The following ADAMTS9 variants were observed in gnomAD, a reference collection of about 807,000 sequenced individuals.
ADAMTS9 encodes ADAM metallopeptidase with thrombospondin type 1 motif 9, also known as A disintegrin and metalloproteinase with thrombospondin motifs 9.
A neutral mutation model predicts 257.1 loss-of-function variants in ADAMTS9; 107 were observed. The ratio of observed to expected loss-of-function variants is 0.42; its 90% CI spans 0.36 to 0.49. The LOEUF is 0.49. ADAMTS9 is among the 20% of genes least tolerant of loss of function. The pLI, the probability that ADAMTS9 is intolerant of heterozygous loss-of-function variation, is 0.03. For missense variants in ADAMTS9, 2,353 were observed against 2,469.1 expected, an observed-to-expected ratio of 0.95 and a Z score of 1.00; for synonymous variants, 982 against 880.9, an observed-to-expected ratio of 1.11 and a Z score of -2.03.
intron 33 of ADAMTS9, 85 bp from the exon 34 acceptor site, chr3:64,541,705 C>A: frequency 6.4e-7 from 1 of 1,556,866 alleles, no homozygotes; most frequent in African/African-American, 1.4e-5. Context: ...ATTGTTCGCA[C>A]TAAAACTTTT....
chr3:64,648,071 G>C, intron 10 of ADAMTS9, 27 bp from the exon 11 acceptor site: 1 of 1,580,572 alleles, frequency 6.3e-7, no homozygotes, highest in Non-Finnish European at 8.6e-7. Context: ...AATGGCAATT[G>C]AGTGACAAGT....
intron 38 of ADAMTS9, among the ~76,000 whole-genome samples, chr3:64,523,215 T>C (rs1035017911): frequency 1.3e-5 from 2 of 152,330 alleles, no homozygotes; most frequent in African/African-American, 2.4e-5. Flanking sequence ...GCTAATAGCA[T>C]TGGGAACCAC....
At chr3:64,571,312 G>C (rs1354315474) in intron 28 of ADAMTS9, among the ~76,000 whole-genome samples, 1 of 152,136 alleles carries the variant, frequency 6.6e-6, no homozygotes, top group Non-Finnish European at 1.5e-5. Context: ...GGAGACAATT[G>C]GTGTTTTCAG....
intron 12 of ADAMTS9, among the ~76,000 whole-genome samples, chr3:64,637,156 C>T (rs895218776): frequency 5.9e-5 from 9 of 152,124 alleles, no homozygotes; most frequent in African/African-American, 2.2e-4. Context: ...ACATATGTTT[C>T]CTCTCTCCCA....
intron 28 of ADAMTS9, among the ~76,000 whole-genome samples, chr3:64,570,637 A>T (rs890179142): frequency 7.3e-6 from 1 of 136,312 alleles, no homozygotes; most frequent in South Asian, 2.4e-4. Context: ...CAGAGCTTGC[A>T]GTGAGCCAAG....
intron 32 of ADAMTS9, 85 bp from the exon 33 acceptor site, chr3:64,542,055 G>T: frequency 6.4e-7 from 1 of 1,561,166 alleles, no homozygotes; most frequent in Non-Finnish European, 8.7e-7. Context: ...GAGCCCTGAT[G>T]TCATCATGTA....
At chr3:64,613,595 G>C in intron 21 of ADAMTS9, 86 bp from the exon 22 acceptor site, 5 of 1,344,878 alleles carry the variant, frequency 3.7e-6, no homozygotes, top group Non-Finnish European at 5.0e-6. Flanking sequence ...GTAGGAACAG[G>C]TGTGTCCTTT....
chr3:64,563,612 A>G (rs1292865512), intron 29 of ADAMTS9, among the ~76,000 whole-genome samples: 1 of 152,232 alleles, frequency 6.6e-6, no homozygotes, highest in African/African-American at 2.4e-5. Flanking sequence ...CACGGTACTA[A>G]GAGCCATAAG....
At chr3:64,666,995 A>G (rs551816215) in intron 3 of ADAMTS9, among the ~76,000 whole-genome samples, 1 of 152,290 alleles carries the variant, frequency 6.6e-6, no homozygotes, top group East Asian at 1.9e-4. Flanking sequence ...AAAATCAACC[A>G]AACAAATAAT....
chr3:64,569,488 G>A (rs1366486582), intron 28 of ADAMTS9, among the ~76,000 whole-genome samples: 1 of 152,154 alleles, frequency 6.6e-6, no homozygotes, highest in East Asian at 1.9e-4. Context: ...GATTTCAAGT[G>A]TCATTTCCTT....
At chr3:64,582,965 T>C (rs2106751357) in intron 28 of ADAMTS9, 1 of 152,360 alleles carries the variant, frequency 6.6e-6, no homozygotes, top group South Asian at 2.1e-4. Context: ...TATTCATATA[T>C]TCATATTCTA....
rs896238157 is a variant in ADAMTS9, at chr3:64,681,014, G to A, written c.679+187C>T. ...TTCTTAGCTGTGCACCTTAGACAAG[G>A]TACTAAACCTCTCCTTAGTCTCCAC... is the stretch of plus-strand genomic sequence containing the variant. On this transcript the variant is annotated intron_variant, in intron 3 of 39. Transcript: ENST00000498707. 9.9e-5 allele frequency among the ~76,000 whole-genome samples: 15 copies of A among 152,102 alleles called. No homozygotes were observed. In the East Asian group the frequency reaches 2.9e-3, roughly 29 times the overall value.
At chr3:64,665,856 T>C (rs1025063343) in intron 3 of ADAMTS9, among the ~76,000 whole-genome samples, 1 of 152,206 alleles carries the variant, frequency 6.6e-6, no homozygotes, top group Admixed American at 6.5e-5. Flanking sequence ...TAAATGGGCA[T>C]ATAAATACTT....
chr3:64,557,814 G>C (rs1452182495), intron 30 of ADAMTS9, among the ~76,000 whole-genome samples: 4 of 152,188 alleles, frequency 2.6e-5, no homozygotes, highest in Admixed American at 2.6e-4. Context: ...CCTACAACAT[G>C]TTGTTTCTAG....
chr3:64,575,370 G>A (rs541342051), intron 28 of ADAMTS9, among the ~76,000 whole-genome samples: 10 of 152,288 alleles, frequency 6.6e-5, no homozygotes, highest in African/African-American at 1.9e-4. Context: ...AGAATCTTCT[G>A]TCCCTAGCAC....
At chr3:64,674,272 A>G (rs1701569914) in intron 3 of ADAMTS9, among the ~76,000 whole-genome samples, 2 of 151,526 alleles carry the variant, frequency 1.3e-5, no homozygotes, top group African/African-American at 2.4e-5. Context: ...GACTATAAAA[A>G]AGAGAAAAAA....
chr3:64,610,157 A>G (rs1211473644), intron 22 of ADAMTS9, among the ~76,000 whole-genome samples: 1 of 152,240 alleles, frequency 6.6e-6, no homozygotes, highest in Non-Finnish European at 1.5e-5. Context: ...CTAAAACTAG[A>G]AAACTCTTTT....
At chr3:64,682,791 T>G (rs1433533978) in intron 2 of ADAMTS9, among the ~76,000 whole-genome samples, 3 of 152,246 alleles carry the variant, frequency 2.0e-5, no homozygotes, top group Non-Finnish European at 4.4e-5. Context: ...GAAATGTTAA[T>G]GAGCTCCCAG....
chr3:64,585,439 C>G (rs1559777867), intron 28 of ADAMTS9, among the ~76,000 whole-genome samples: 1 of 152,150 alleles, frequency 6.6e-6, no homozygotes, highest in African/African-American at 2.4e-5. Context: ...ATGAATAAGA[C>G]AGCTTTGCTA....
Sources: allele counts gnomAD v4.1 joint callset (sites outside exome capture counted in the v4.1 genomes callset), GRCh38; gene constraint gnomAD v4.1.1; transcripts MANE v1.5; gene names NCBI Gene and HGNC (gene_info 2026-07-23, HGNC 2026-07-21).